The following PARD6B variants were observed in gnomAD, a reference collection of about 807,000 sequenced individuals.
PARD6B encodes par-6 family cell polarity regulator beta.
A neutral mutation model predicts 10.5 loss-of-function variants in PARD6B; 4 were observed. That is an observed-to-expected ratio of 0.38 (90% confidence interval 0.19 to 0.87). PARD6B has a LOEUF of 0.87. Among genes scored for constraint, PARD6B ranks in the 40% least tolerant of loss-of-function variants. PARD6B has a pLI of 0.41. For synonymous variants in PARD6B, 169 were observed against 170.4 expected (o/e 0.99, Z 0.07); for missense variants, 396 against 470.6 (o/e 0.84, Z 1.47).
rs766932197 is a variant in PARD6B, at chr20:50,749,711, T to G, written c.342T>G (p.Asn114Lys). The stretch of plus-strand genomic sequence containing the variant: ...CAGACACGCTAATAAAGAAGAAGAA[T>G]GTTTTAACCAACGTATTGCGTCCTG... The part of the protein sequence containing the change: ...FGTDTLIKKK[N>K]VLTNVLRPDN... The change falls in exon 3 of 3, where the codon AAT becomes AAG. Residue 114 changes from asparagine to lysine, a missense_variant. Asn to Lys is a moderately conservative substitution (Grantham distance 94, BLOSUM62 0). This residue lies in a region of PARD6B where 208 missense variants were observed against 300.9 expected (regional missense o/e 0.69). Transcript: ENST00000371610. 3.7e-6 allele frequency: 6 copies of G among 1,612,296 alleles called. No individual in the cohort carries two copies. In the East Asian group the frequency reaches 1.3e-4, roughly 36 times the overall value.
chr20:50,737,194 T>C (rs1600814824), intron 1 of PARD6B, among the ~76,000 whole-genome samples: 1 of 152,196 alleles, frequency 6.6e-6, no homozygotes, highest in Admixed American at 6.5e-5. Context: ...TACCCACTAA[T>C]TGGTGAGCTT....
At chr20:50,731,930 GCCGGGGGAGGCGACGGGCTGAGCTGCC>G in intron 1 of PARD6B, 78 bp downstream of exon 1, 1 of 1,219,090 alleles carries the variant, frequency 8.2e-7, no homozygotes, top group Non-Finnish European at 1.0e-6. Context: ...GGCTCGGAGC[GCCGGGGGAGGCGACGGGCTGAGCTGCC>G]CCGGGGTCTG....
chr20:50,749,966 A>G lies in PARD6B; in HGVS notation c.597A>G (p.Pro199=), dbSNP rs754808657. ...VPGIFISRLV[P]GGLAQSTGLL... Reference sequence around the variant, plus strand: ...GGATCTTTATATCCAGGCTTGTCCCAGGAGGTCTGGCTCAAAGTACAGGAC... The same window carrying G: ...GGATCTTTATATCCAGGCTTGTCCCGGGAGGTCTGGCTCAAAGTACAGGAC... The change falls in exon 3 of 3, where the codon CCA becomes CCG. Residue 199 remains proline, a synonymous_variant. Coordinates refer to ENST00000371610, the MANE Select transcript of PARD6B (RefSeq NM_032521.3). 1.4e-5 allele frequency: 23 copies of G among 1,614,146 alleles called. No homozygotes were observed. The South Asian group carries it at 1.6e-4, about 12-fold the overall frequency.
Position 50,751,190 on chromosome 20 carries a change from G to T in PARD6B, c.*702G>T. 1.2e-6 allele frequency: 1 copy of T among 856,516 alleles called. No homozygotes were observed. The highest frequency in any genetic ancestry group is 1.4e-6 in the Non-Finnish European group (1 of 713,592). 53.1% of individuals were successfully genotyped at this position (856,516 alleles called of 1,614,324 possible). ...TCGCCATGTTGCCCAAGTTGGTCTT[G>T]AACTCCTGGGCTTAAGCAGTCCTGC... On this transcript the variant is annotated 3_prime_UTR_variant, in exon 3 of 3. Coordinates refer to ENST00000371610, the MANE Select transcript of PARD6B (RefSeq NM_032521.3).
intron 2 of PARD6B, among the ~76,000 whole-genome samples, chr20:50,743,531 G>A (rs2087542582): frequency 6.6e-6 from 1 of 152,048 alleles, no homozygotes; most frequent in African/African-American, 2.4e-5. Flanking sequence ...ATGAATCAGG[G>A]TTTAAAGTTG....
intron 2 of PARD6B, among the ~76,000 whole-genome samples, chr20:50,741,060 A>G (rs183365964): frequency 1.1e-3 from 170 of 150,860 alleles, no homozygotes; most frequent in Non-Finnish European, 1.8e-3. Flanking sequence ...TCCCAGGTTC[A>G]AGTGATTGTC....
intron 1 of PARD6B, among the ~76,000 whole-genome samples, chr20:50,737,055 G>A (rs1242249175): frequency 1.3e-5 from 2 of 152,140 alleles, no homozygotes; most frequent in African/African-American, 4.8e-5. Flanking sequence ...GGAAAACAGA[G>A]GTGTAGGGAA....
chr20:50,731,907 A>G (rs1009759965), intron 1 of PARD6B, 55 bp downstream of exon 1: 3 of 1,333,310 alleles, frequency 2.3e-6, no homozygotes, highest in South Asian at 1.9e-5. Flanking sequence ...GGGGCCTGGG[A>G]GAGGCCGGGC....
chr20:50,731,934 G>T lies in PARD6B; in HGVS notation c.66+82G>T, dbSNP rs1268601579. The stretch of plus-strand genomic sequence containing the variant: ...AGGCCGGGCCAGGCTCGGAGCGCCG[G>T]GGGAGGCGACGGGCTGAGCTGCCCC... On this transcript the variant is annotated intron_variant, in intron 1 of 2. Transcript: ENST00000371610. 5.7e-6 allele frequency: 7 copies of T among 1,220,624 alleles called. No individual in the cohort carries two copies. The South Asian group carries it at 1.7e-4, about 29-fold the overall frequency. The allele number at this position is 1,220,624 out of a possible 1,614,324, so 75.6% of individuals were successfully genotyped here.
At chr20:50,733,808 T>G (rs970022774) in intron 1 of PARD6B, among the ~76,000 whole-genome samples, 1 of 152,232 alleles carries the variant, frequency 6.6e-6, no homozygotes, top group South Asian at 2.1e-4. Flanking sequence ...GTAGCAAGTC[T>G]TTAATTTTTT....
chr20:50,750,492 C>A lies in PARD6B; in HGVS notation c.*4C>A. On this transcript the variant is annotated 3_prime_UTR_variant, in exon 3 of 3. Coordinates refer to ENST00000371610, the MANE Select transcript of PARD6B (RefSeq NM_032521.3). ...TGGAACAATCATAACATTATGAAAC[C>A]GTGGTTTGAATGTTTTCAGAGTGAG... 1.2e-6 allele frequency: 2 copies of A among 1,607,340 alleles called. No homozygotes were observed. The highest frequency in any genetic ancestry group is 1.1e-5 in the South Asian group (1 of 90,388).
intron 2 of PARD6B, among the ~76,000 whole-genome samples, chr20:50,747,338 G>A (rs959080682): frequency 6.6e-6 from 1 of 152,114 alleles, no homozygotes; most frequent in African/African-American, 2.4e-5. Flanking sequence ...GAGAATATGA[G>A]TTGAAGCGCT....
In PARD6B at chr20:50,751,624, G is replaced by A; in HGVS notation, c.*1136G>A. The A allele has an allele frequency of 2.0e-6, 2 of 984,972 alleles. No homozygotes were observed. The highest frequency in any genetic ancestry group is 2.4e-6 in the Non-Finnish European group (2 of 829,932). The allele number at this position is 984,972 out of a possible 1,614,324, so 61.0% of individuals were successfully genotyped here. A position where few individuals can be genotyped will look rare whatever the true frequency, so the allele number is the denominator to read the frequency against. Reference sequence around the variant, plus strand: ...GCCTCCCAAAGTGCTGGGATTACAGGCGTGAGCCACCGCGCCCAGTTGTGC... The same window carrying A: ...GCCTCCCAAAGTGCTGGGATTACAGACGTGAGCCACCGCGCCCAGTTGTGC... On this transcript the variant is annotated 3_prime_UTR_variant, in exon 3 of 3. Coordinates refer to ENST00000371610, the MANE Select transcript of PARD6B (RefSeq NM_032521.3).
Position 50,750,897 on chromosome 20 carries a change from G to C in PARD6B, c.*409G>C. ...CTAATGTGAAGTCTGATTCTCTCTTGTGGTACATTGGGGACCTCAGCTCTT... is the reference window on the plus strand; with the variant it reads ...CTAATGTGAAGTCTGATTCTCTCTTCTGGTACATTGGGGACCTCAGCTCTT... On this transcript the variant is annotated 3_prime_UTR_variant, in exon 3 of 3. Coordinates refer to ENST00000371610, the MANE Select transcript of PARD6B (RefSeq NM_032521.3). The C allele has an allele frequency of 1.0e-6, 1 of 981,262 alleles. No individual in the cohort carries two copies. The highest frequency in any genetic ancestry group is 1.2e-6 in the Non-Finnish European group (1 of 828,940). The allele number at this position is 981,262 out of a possible 1,614,324, so 60.8% of individuals were successfully genotyped here.
chr20:50,735,108 C>G (rs2087492689), intron 1 of PARD6B, among the ~76,000 whole-genome samples: 1 of 151,242 alleles, frequency 6.6e-6, no homozygotes, highest in Admixed American at 6.6e-5. Context: ...CGAGATTGCG[C>G]CACTGCACTT....
chr20:50,734,165 T>A (rs1320568728), intron 1 of PARD6B, among the ~76,000 whole-genome samples: 20 of 152,236 alleles, frequency 1.3e-4, no homozygotes, highest in Admixed American at 1.2e-3. Flanking sequence ...ACACCTTATA[T>A]GTTTCAAATA....
chr20:50,743,490 T>C (rs545548936), intron 2 of PARD6B, among the ~76,000 whole-genome samples: 2 of 152,326 alleles, frequency 1.3e-5, no homozygotes, highest in Admixed American at 6.5e-5. Flanking sequence ...TTGGACATTA[T>C]TTTGTAGGTG....
intron 1 of PARD6B, among the ~76,000 whole-genome samples, chr20:50,734,852 T>C (rs956473923): frequency 6.6e-6 from 1 of 152,212 alleles, no homozygotes; most frequent in East Asian, 1.9e-4. Context: ...TTTTTCTTCA[T>C]ATAAACAGTA....
rs1327319539 is a variant in PARD6B at position 50,750,258 on chromosome 20, A to G, written c.889A>G (p.Ile297Val). ...TGAAGACAGCGAAGAAGATGACATTATCATTGAAGACAATGGAGTGCCACA... is the reference window on the plus strand; with the variant it reads ...TGAAGACAGCGAAGAAGATGACATTGTCATTGAAGACAATGGAGTGCCACA... ...EDEDSEEDDI[I>V]IEDNGVPQQI... Residue 297 changes from isoleucine to valine, a missense_variant, in exon 3 of 3, where the codon ATC (isoleucine) becomes GTC (valine). This residue lies in a region of PARD6B where 188 missense variants were observed against 169.7 expected (regional missense o/e 1.11). Coordinates refer to ENST00000371610, the MANE Select transcript of PARD6B (RefSeq NM_032521.3). 4 of 1,614,232 alleles carry G rather than the reference A, an allele frequency of 2.5e-6. No homozygotes were observed. Among genetic ancestry groups the G allele is most frequent in the South Asian group, 1.1e-5 (1 of 91,082 alleles).
Sources: gnomAD v4.1 joint callset for allele counts (sites outside exome capture counted in the v4.1 genomes callset) on GRCh38, gnomAD v4.1.1 for gene constraint, gnomAD v4.1.1 regional missense constraint, MANE v1.5 for transcripts, NCBI Gene and HGNC (gene_info 2026-07-23, HGNC 2026-07-21) for gene names.